Variants in HPSE2 observed in about 807,000 individuals in gnomAD.
The protein encoded by HPSE2 is inactive heparanase-2.
Under a neutral mutation model 60.5 loss-of-function variants are expected in HPSE2, and 38 were observed. That is an observed-to-expected ratio of 0.63 (90% CI 0.48 to 0.82). HPSE2 has a LOEUF of 0.82. Among genes scored for constraint, HPSE2 ranks in the 40% least tolerant of loss-of-function variants. The pLI is 0.00. For synonymous variants in HPSE2, 295 were observed against 293.2 expected (o/e 1.01, Z -0.06); for missense variants, 713 against 740.4 (o/e 0.96, Z 0.43).
intron 3 of HPSE2, among the ~76,000 whole-genome samples, chr10:99,070,465 C>CT (rs1288785212): frequency 6.6e-6 from 1 of 152,144 alleles, no homozygotes; most frequent in Non-Finnish European, 1.5e-5. Context: ...TTGTAAAATA[C>CT]TTTGACTATT....
intron 9 of HPSE2, among the ~76,000 whole-genome samples, chr10:98,584,129 T>C (rs371175775): frequency 4.9e-4 from 74 of 152,330 alleles, no homozygotes; most frequent in African/African-American, 1.8e-3. Flanking sequence ...ACCAGCGATG[T>C]AGGAGGGTTC....
chr10:99,060,981 T>C (rs891031363), intron 3 of HPSE2, among the ~76,000 whole-genome samples: 10 of 152,230 alleles, frequency 6.6e-5, no homozygotes, highest in Admixed American at 5.9e-4. Context: ...GTCAGGATAG[T>C]TAATAAAAAT....
intron 4 of HPSE2, among the ~76,000 whole-genome samples, chr10:98,725,838 T>A (rs1222859874): frequency 6.6e-6 from 1 of 152,034 alleles, no homozygotes; most frequent in South Asian, 2.1e-4. Flanking sequence ...TATGAACAGA[T>A]ACTTCTCAAA....
chr10:98,890,059 T>G (rs188130279), intron 3 of HPSE2, among the ~76,000 whole-genome samples: 17 of 152,190 alleles, frequency 1.1e-4, no homozygotes, highest in Non-Finnish European at 1.3e-4. Flanking sequence ...TTAGTTAAGT[T>G]GTTTAACATA....
At chr10:99,117,049 C>G (rs1274198972) in intron 3 of HPSE2, among the ~76,000 whole-genome samples, 1 of 151,920 alleles carries the variant, frequency 6.6e-6, no homozygotes, top group Non-Finnish European at 1.5e-5. Flanking sequence ...GACTACTAAG[C>G]AATACATACA....
chr10:99,138,754 C>T (rs1440522492), intron 3 of HPSE2, among the ~76,000 whole-genome samples: 4 of 152,018 alleles, frequency 2.6e-5, no homozygotes, highest in Non-Finnish European at 4.4e-5. Flanking sequence ...CGATGGGGGG[C>T]TAGGGGAGGG....
At chr10:99,092,707 C>T (rs1196610747) in intron 3 of HPSE2, among the ~76,000 whole-genome samples, 4 of 152,110 alleles carry the variant, frequency 2.6e-5, no homozygotes, top group Admixed American at 2.0e-4. Context: ...GTCCCTTAGC[C>T]TTTCTGAGCC....
the HPSE2 span, among the ~76,000 whole-genome samples, chr10:99,298,333 A>G: frequency 1.3e-5 from 2 of 152,252 alleles, no homozygotes; most frequent in Non-Finnish European, 2.9e-5. Flanking sequence ...CTATCAATAG[A>G]AAGTGGGAAA....
In HPSE2 at chr10:99,228,449, TA is replaced by T. The variant is rs531859342; in HGVS notation, c.448+3898del. On this transcript the variant is annotated intron_variant, in intron 2 of 11. Coordinates refer to ENST00000370552, the MANE Select transcript of HPSE2 (RefSeq NM_021828.5). ...TTCATTAAAGATGCAGTTATGGTCTTAAAAAAACATGCATACAAATAAATCA... is the reference window on the plus strand; with the variant it reads ...TTCATTAAAGATGCAGTTATGGTCTTAAAAAACATGCATACAAATAAATCA... 3.3e-5 allele frequency among the ~76,000 whole-genome samples: 5 copies of T among 152,180 alleles called. No individual in the cohort carries two copies. The East Asian group carries it at 7.7e-4, about 24-fold the overall frequency.
chr10:98,686,126 A>T (rs908895848), intron 6 of HPSE2, among the ~76,000 whole-genome samples: 1 of 151,950 alleles, frequency 6.6e-6, no homozygotes, highest in Non-Finnish European at 1.5e-5. Context: ...AATTTTCTCT[A>T]CCACTTGTCT....
intron 7 of HPSE2, among the ~76,000 whole-genome samples, chr10:98,641,232 C>T (rs905207680): frequency 6.6e-6 from 1 of 152,110 alleles, no homozygotes; most frequent in African/African-American, 2.4e-5. Flanking sequence ...TCAAGTAAAT[C>T]TATTCTTCCC....
At chr10:98,847,938 C>A (rs2134719793) in intron 3 of HPSE2, among the ~76,000 whole-genome samples, 1 of 152,252 alleles carries the variant, frequency 6.6e-6, no homozygotes, top group East Asian at 1.9e-4. Context: ...ATGAGAAGAA[C>A]CAGCATATCA....
intron 5 of HPSE2, among the ~76,000 whole-genome samples, chr10:98,699,617 A>G: frequency 8.0e-6 from 1 of 125,264 alleles, no homozygotes; most frequent in African/African-American, 2.7e-5. Context: ...CTCCTATTCA[A>G]CATAGTGTTG....
intron 2 of HPSE2, among the ~76,000 whole-genome samples, chr10:99,200,348 T>C (rs150920912): frequency 0.01 from 1,580 of 152,162 alleles, 13 homozygotes; most frequent in Non-Finnish European, 0.015. Context: ...ACCAGATTTC[T>C]CGTTAGGAAG....
intron 4 of HPSE2, among the ~76,000 whole-genome samples, chr10:98,737,248 CA>C (rs1303803623): frequency 1.4e-5 from 2 of 141,666 alleles, no homozygotes; most frequent in Non-Finnish European, 3.1e-5. Context: ...AATACAGGAC[CA>C]AAATATATAA....
Position 98,641,836 on chromosome 10 carries a change from C to G in HPSE2, c.1098+11G>C, listed in dbSNP as rs772819792. 6.3e-7 allele frequency: 1 copy of G among 1,597,612 alleles called. No individual in the cohort carries two copies. The highest frequency in any genetic ancestry group is 2.2e-5 in the East Asian group (1 of 44,766). ...AATCGCTCCTTTTCTTCCCAGGATACTTTTACTCACTTTCTGAATTTTCCT... is the reference window on the plus strand; with the variant it reads ...AATCGCTCCTTTTCTTCCCAGGATAGTTTTACTCACTTTCTGAATTTTCCT... On this transcript the variant is annotated intron_variant, in intron 7 of 11. Transcript: ENST00000370552.
At chr10:98,480,486 CT>C (rs963805791) in intron 11 of HPSE2, among the ~76,000 whole-genome samples, 1 of 152,092 alleles carries the variant, frequency 6.6e-6, no homozygotes, top group African/African-American at 2.4e-5. Flanking sequence ...GAGTCAGTCC[CT>C]TTAGTCACCC....
intron 3 of HPSE2, among the ~76,000 whole-genome samples, chr10:99,137,223 T>C (rs1845692987): frequency 6.6e-6 from 1 of 152,210 alleles, no homozygotes; most frequent in Non-Finnish European, 1.5e-5. Context: ...TACAAACCAC[T>C]GCTCAGTGAA....
chr10:98,824,010 C>T (rs1951484125), intron 3 of HPSE2, among the ~76,000 whole-genome samples: 1 of 152,128 alleles, frequency 6.6e-6, no homozygotes, highest in South Asian at 2.1e-4. Flanking sequence ...ATGTTCTCTA[C>T]AGTCGAATTA....
Sources: gnomAD v4.1 joint callset for allele counts (sites outside exome capture counted in the v4.1 genomes callset) on GRCh38, gnomAD v4.1.1 for gene constraint, MANE v1.5 for transcripts, NCBI Gene and HGNC (gene_info 2026-07-23, HGNC 2026-07-21) for gene names.